DOCK1: variants seen among roughly 807,000 people sequenced by gnomAD.
DOCK1 encodes dedicator of cytokinesis protein 1.
DOCK1 carries 138 observed loss-of-function variants against 262.7 expected under a neutral mutation model. The observed-to-expected ratio is 0.53, with a 90% CI of 0.46 to 0.61. DOCK1 has a LOEUF of 0.61. Among genes scored for constraint, DOCK1 ranks in the 20% least tolerant of loss-of-function variants. The pLI, the probability that DOCK1 is intolerant of heterozygous loss-of-function variation, is 0.00. For synonymous variants in DOCK1, 866 were observed against 867.4 expected, an observed-to-expected ratio of 1.00 and a Z score of 0.03; for missense variants, 1,908 against 2,370.7, an observed-to-expected ratio of 0.80 and a Z score of 4.05.
At position 126,905,510 on chromosome 10, in the gene DOCK1, G is replaced by T; in HGVS notation, c.-8G>T. 1.9e-6 allele frequency: 1 copy of T among 536,822 alleles called. No homozygotes were observed. 33.3% of individuals were successfully genotyped at this position (536,822 alleles called of 1,614,324 possible). The stretch of plus-strand genomic sequence containing the variant: ...TCCTGCCCGACCCGCGGCGGCTCCG[G>T]CGGCGCCATGACGCGCTGGGTGCCC... On this transcript the variant is annotated 5_prime_UTR_variant, in exon 1 of 52. Transcript: ENST00000623213.
intron 1 of DOCK1, among the ~76,000 whole-genome samples, chr10:126,933,183 G>A (rs2034310120): frequency 6.6e-6 from 1 of 152,100 alleles, no homozygotes; most frequent in African/African-American, 2.4e-5. Flanking sequence ...GCTCTTGTGG[G>A]TGCGTTGAGG....
intron 27 of DOCK1, 45 bp downstream of exon 27, chr10:127,127,809 C>T (rs769255210): frequency 6.5e-7 from 1 of 1,531,056 alleles, no homozygotes; most frequent in South Asian, 1.2e-5. Flanking sequence ...CTGGGGCTGA[C>T]AGCATCCTTC....
At chr10:127,138,345 T>A (rs2050891176) in intron 27 of DOCK1, among the ~76,000 whole-genome samples, 1 of 152,182 alleles carries the variant, frequency 6.6e-6, no homozygotes, top group Non-Finnish European at 1.5e-5. Context: ...TCTGTTCACA[T>A]GGGCCTCATG....
chr10:127,246,100 G>A (rs1228961705), intron 27 of DOCK1, among the ~76,000 whole-genome samples: 3 of 152,170 alleles, frequency 2.0e-5, no homozygotes, highest in Admixed American at 1.3e-4. Flanking sequence ...GACTGCAAGC[G>A]TAGAGGAAAG....
chr10:127,063,484 C>A (rs935779749), intron 23 of DOCK1, among the ~76,000 whole-genome samples: 2 of 151,794 alleles, frequency 1.3e-5, no homozygotes, highest in Non-Finnish European at 2.9e-5. Flanking sequence ...TTTTTTTTTA[C>A]ATGATTTACT....
At chr10:127,315,214 C>T (rs1445338670) in intron 29 of DOCK1, among the ~76,000 whole-genome samples, 1 of 152,142 alleles carries the variant, frequency 6.6e-6, no homozygotes, top group African/African-American at 2.4e-5. Context: ...AAAATAACAC[C>T]TAATGTACAC....
intron 37 of DOCK1, among the ~76,000 whole-genome samples, chr10:127,383,748 G>T (rs1188267922): frequency 1.3e-5 from 2 of 152,168 alleles, no homozygotes; most frequent in Non-Finnish European, 2.9e-5. Context: ...ACCCTCCCTG[G>T]CCTGGCTGAA....
intron 37 of DOCK1, among the ~76,000 whole-genome samples, chr10:127,383,380 T>C (rs2065924268): frequency 6.6e-6 from 1 of 152,256 alleles, no homozygotes; most frequent in African/African-American, 2.4e-5. Flanking sequence ...TGTGGTTACA[T>C]TTCAGAATCT....
intron 27 of DOCK1, among the ~76,000 whole-genome samples, chr10:127,238,917 C>A (rs12218980): frequency 0.27 from 41,362 of 152,108 alleles, 6,303 homozygotes; most frequent in South Asian, 0.51. Context: ...TAGCCTTATC[C>A]CCTCCATTTC....
chr10:126,985,212 C>T (rs747907938), intron 4 of DOCK1, among the ~76,000 whole-genome samples: 2 of 152,040 alleles, frequency 1.3e-5, no homozygotes, highest in Non-Finnish European at 2.9e-5. Context: ...AACCCCTGAC[C>T]TCACGTGCTC....
At chr10:127,239,922 A>G (rs559264196) in intron 27 of DOCK1, among the ~76,000 whole-genome samples, 6 of 152,264 alleles carry the variant, frequency 3.9e-5, no homozygotes, top group African/African-American at 1.4e-4. Context: ...TTTGATTATA[A>G]TTTATTTTTA....
At chr10:127,188,406 T>A (rs1364738993) in intron 27 of DOCK1, among the ~76,000 whole-genome samples, 1 of 152,326 alleles carries the variant, frequency 6.6e-6, no homozygotes, top group East Asian at 1.9e-4. Context: ...ATATTTCTGG[T>A]TGGAGACGCA....
intron 1 of DOCK1, among the ~76,000 whole-genome samples, chr10:126,933,208 T>C (rs939126641): frequency 0.031 from 4,722 of 152,266 alleles, 93 homozygotes; most frequent in Non-Finnish European, 0.043. Flanking sequence ...AGTACAACTT[T>C]ATTTTAGGGG....
chr10:126,971,191 C>T (rs1234785238), intron 2 of DOCK1, among the ~76,000 whole-genome samples: 1 of 151,920 alleles, frequency 6.6e-6, no homozygotes, highest in Non-Finnish European at 1.5e-5. Context: ...GCTGGGATTA[C>T]AGGTGCCCGC....
At chr10:127,406,766 G>A (rs906167824) in intron 40 of DOCK1, among the ~76,000 whole-genome samples, 1 of 152,188 alleles carries the variant, frequency 6.6e-6, no homozygotes, top group African/African-American at 2.4e-5. Flanking sequence ...AGAATGCAAA[G>A]TAACTGACAT....
intron 38 of DOCK1, among the ~76,000 whole-genome samples, chr10:127,397,909 A>G (rs61870333): frequency 1.3e-5 from 2 of 151,702 alleles, no homozygotes; most frequent in Admixed American, 6.6e-5. Context: ...GACATGGGTC[A>G]TGGCTCCTGG....
chr10:127,052,578 G>T (rs185984681), intron 21 of DOCK1, 103 bp from the exon 22 acceptor site: 1 of 1,526,026 alleles, frequency 6.6e-7, no homozygotes, highest in East Asian at 2.3e-5. Context: ...ACTGATAGAT[G>T]GAAACCAAAT....
intron 4 of DOCK1, among the ~76,000 whole-genome samples, chr10:126,986,502 C>G (rs538501763): frequency 2.0e-5 from 3 of 152,244 alleles, no homozygotes; most frequent in African/African-American, 4.8e-5. Flanking sequence ...ACTCTCTCCC[C>G]CTAACCCTCA....
At chr10:127,094,027 G>A (rs2047749654) in intron 23 of DOCK1, among the ~76,000 whole-genome samples, 1 of 151,980 alleles carries the variant, frequency 6.6e-6, no homozygotes, top group African/African-American at 2.4e-5. Context: ...AGTCCTCATG[G>A]CCTAATCACA....
Sources: gnomAD v4.1 joint callset for allele counts (sites outside exome capture counted in the v4.1 genomes callset) on GRCh38, gnomAD v4.1.1 for gene constraint, MANE v1.5 for transcripts, NCBI Gene and HGNC (gene_info 2026-07-23, HGNC 2026-07-21) for gene names.